Variants in TTC28 observed in about 807,000 individuals in gnomAD.
TTC28 encodes the protein tetratricopeptide repeat domain 28, also known as tetratricopeptide repeat protein 28.
In TTC28, 61 loss-of-function variants were observed where a neutral mutation model predicts 198.0. That is an observed-to-expected ratio of 0.31 (90% CI 0.25 to 0.38). The LOEUF (loss-of-function observed/expected upper bound fraction) is 0.38, where lower values mean the gene tolerates loss of function less well. Ranked by LOEUF, TTC28 falls within the 10% of genes least tolerant of loss-of-function variation. The probability of loss-of-function intolerance (pLI) is 1.00; values close to 1 mark genes in which losing one functional copy is unlikely to be tolerated. For missense variants in TTC28, 2,678 were observed against 3,164.0 expected (o/e 0.85, Z 3.69); for synonymous variants, 1,171 against 1,297.8 (o/e 0.90, Z 2.10).
intron 6 of TTC28, among the ~76,000 whole-genome samples, chr22:28,138,125 G>A (rs952000358): frequency 6.6e-5 from 10 of 152,144 alleles, no homozygotes; most frequent in African/African-American, 7.2e-5. Context: ...ATTTGTGGAC[G>A]TATTTTAAAA....
At chr22:28,301,218 C>T (rs940089191) in intron 3 of TTC28, among the ~76,000 whole-genome samples, 5 of 152,072 alleles carry the variant, frequency 3.3e-5, no homozygotes, top group African/African-American at 9.7e-5. Context: ...ATTCTAACTC[C>T]GATTTTAGAG....
At chr22:28,080,567 G>T (rs1941311277) in intron 12 of TTC28, among the ~76,000 whole-genome samples, 1 of 149,334 alleles carries the variant, frequency 6.7e-6, no homozygotes, top group African/African-American at 2.5e-5. Context: ...TAAGTTGTAG[G>T]AGTTTTTATA....
At chr22:28,257,541 A>G (rs1389563479) in intron 5 of TTC28, among the ~76,000 whole-genome samples, 1 of 151,898 alleles carries the variant, frequency 6.6e-6, no homozygotes, top group Non-Finnish European at 1.5e-5. Context: ...TGTGGGAGCT[A>G]TTAATAAAAA....
intron 5 of TTC28, among the ~76,000 whole-genome samples, chr22:28,220,224 T>A (rs906908157): frequency 6.6e-6 from 1 of 152,252 alleles, no homozygotes; most frequent in African/African-American, 2.4e-5. Flanking sequence ...AGAACAGATA[T>A]TCTAATTGCT....
At chr22:28,116,089 AC>A (rs2146926349) in intron 6 of TTC28, among the ~76,000 whole-genome samples, 1 of 151,672 alleles carries the variant, frequency 6.6e-6, no homozygotes, top group African/African-American at 2.4e-5. Flanking sequence ...GCTCACCCCC[AC>A]CCCTCAAGAC....
intron 1 of TTC28, among the ~76,000 whole-genome samples, chr22:28,631,428 T>G (rs1222564136): frequency 6.6e-6 from 1 of 152,200 alleles, no homozygotes; most frequent in Non-Finnish European, 1.5e-5. Flanking sequence ...TTGATGTTGA[T>G]TTTTCAAAAT....
intron 5 of TTC28, among the ~76,000 whole-genome samples, chr22:28,257,739 CAT>C (rs66590909): frequency 0.027 from 2,585 of 95,206 alleles, 40 homozygotes; most frequent in African/African-American, 0.034. Context: ...GGTAATAGAA[CAT>C]ATATATATAT....
At chr22:28,032,237 T>TATATATATATAAA (rs1253175849) in intron 12 of TTC28, among the ~76,000 whole-genome samples, 4 of 108,672 alleles carry the variant, frequency 3.7e-5, no homozygotes, top group South Asian at 2.8e-4. Context: ...ATATATAAAA[T>TATATATATATAAA]ATATATATAT....
At chr22:28,082,423 C>T (rs868273431) in intron 12 of TTC28, among the ~76,000 whole-genome samples, 15 of 152,146 alleles carry the variant, frequency 9.9e-5, no homozygotes, top group African/African-American at 3.6e-4. Flanking sequence ...GAGGTAATTT[C>T]CTTTTACTAG....
At chr22:28,021,945 C>T (rs755970317) in intron 13 of TTC28, among the ~76,000 whole-genome samples, 26 of 152,348 alleles carry the variant, frequency 1.7e-4, no homozygotes, top group Non-Finnish European at 2.6e-4. Flanking sequence ...GGTGGGCCCC[C>T]GCCATCTTCT....
At chr22:28,326,687 A>G (rs773656584) in intron 2 of TTC28, among the ~76,000 whole-genome samples, 38 of 152,326 alleles carry the variant, frequency 2.5e-4, no homozygotes, top group Non-Finnish European at 4.9e-4. Context: ...GTTTTATGAC[A>G]GCAAGGTCAA....
chr22:28,352,277 G>A (rs561791346), intron 2 of TTC28, among the ~76,000 whole-genome samples: 11 of 147,296 alleles, frequency 7.5e-5, no homozygotes, highest in African/African-American at 1.8e-4. Context: ...CTGATTAATC[G>A]AAAATTCTAA....
intron 12 of TTC28, among the ~76,000 whole-genome samples, chr22:28,086,834 C>G (rs1471632098): frequency 2.0e-5 from 3 of 152,012 alleles, no homozygotes; most frequent in African/African-American, 7.2e-5. Flanking sequence ...GGGATATCAC[C>G]ACCGATCCCA....
chr22:28,173,926 T>C (rs1017498129), intron 5 of TTC28, among the ~76,000 whole-genome samples: 10 of 152,216 alleles, frequency 6.6e-5, no homozygotes, highest in African/African-American at 2.4e-4. Context: ...GAATATTCAA[T>C]ATAATTGCTG....
At position 28,427,585 on chromosome 22, in the gene TTC28, G is replaced by T. The variant is rs554380823; in HGVS notation, c.382-120942C>A. ...AGGAGAATCGCTGAACCGAGGAGGC[G>T]GAGCTTGCAGTGAGCAGAGATCGCG... is the stretch of plus-strand genomic sequence containing the variant. On this transcript the variant is annotated intron_variant, in intron 2 of 22. Transcript: ENST00000397906. Among the ~76,000 whole-genome samples, 28 of 152,262 alleles carry T rather than the reference G, an allele frequency of 1.8e-4. No homozygotes were observed. The South Asian group carries it at 5.6e-3, about 30-fold the overall frequency.
intron 1 of TTC28, among the ~76,000 whole-genome samples, chr22:28,655,737 G>A (rs944761053): frequency 2.6e-5 from 4 of 152,012 alleles, no homozygotes; most frequent in African/African-American, 7.2e-5. Flanking sequence ...TGTAGTCCCC[G>A]CTACTCAGGA....
chr22:28,042,795 T>C (rs1939704739), intron 12 of TTC28, among the ~76,000 whole-genome samples: 1 of 151,596 alleles, frequency 6.6e-6, no homozygotes, highest in Non-Finnish European at 1.5e-5. Context: ...CATCCTACTC[T>C]ATGGGCTGCC....
chr22:28,401,955 T>C (rs1463194516), intron 2 of TTC28, among the ~76,000 whole-genome samples: 1 of 152,154 alleles, frequency 6.6e-6, no homozygotes, highest in Non-Finnish European at 1.5e-5. Flanking sequence ...ATTGACCCTT[T>C]TCTTAGATAA....
At chr22:28,199,711 G>A (rs930652695) in intron 5 of TTC28, among the ~76,000 whole-genome samples, 3 of 151,658 alleles carry the variant, frequency 2.0e-5, no homozygotes, top group Non-Finnish European at 4.4e-5. Context: ...GAGATGTGTG[G>A]AGAGTTCTGT....
Sources: gnomAD v4.1 joint callset for allele counts (sites outside exome capture counted in the v4.1 genomes callset) on GRCh38, gnomAD v4.1.1 for gene constraint, MANE v1.5 for transcripts, NCBI Gene and HGNC (gene_info 2026-07-23, HGNC 2026-07-21) for gene names.